RASGEF1C: variants seen among roughly 807,000 people sequenced by gnomAD.
The protein encoded by RASGEF1C is ras-GEF domain-containing family member 1C.
RASGEF1C carries 27 observed loss-of-function variants against 58.1 expected under a neutral mutation model. The observed-to-expected ratio is 0.46, with a 90% CI of 0.34 to 0.64. RASGEF1C has a LOEUF of 0.64. Among genes scored for constraint, RASGEF1C ranks in the 30% least tolerant of loss-of-function variants. RASGEF1C has a pLI of 0.01. For synonymous variants in RASGEF1C, 243 were observed against 246.3 expected (o/e 0.99, Z 0.13); for missense variants, 502 against 605.1 (o/e 0.83, Z 1.79).
At position 180,128,492 on chromosome 5, in the gene RASGEF1C, G is replaced by A. The variant is rs775710559; in HGVS notation, c.557C>T (p.Pro186Leu). The A allele has an allele frequency of 6.2e-7, 1 of 1,614,186 alleles. No individual in the cohort carries two copies. The highest frequency in any genetic ancestry group is 1.1e-5 in the South Asian group (1 of 91,084). Residue 186 changes from proline to leucine, a missense_variant, in exon 5 of 14, where the codon CCA becomes CTA. Physicochemically the swap from Pro to Leu is moderately conservative, Grantham distance 98 (BLOSUM62 -3). Transcript: ENST00000361132. Reference protein sequence around the residue: ...ADKPISYRTKPPASIHRELLG... With the variant: ...ADKPISYRTKLPASIHRELLG... ...GAGCTCCCTGTGGATGGAGGCTGGT[G>A]GCTTGGTCCTGTAGGAGATGGGCTT...
chr5:180,106,389 A>C (rs908955628), intron 12 of RASGEF1C, among the ~76,000 whole-genome samples: 1 of 152,016 alleles, frequency 6.6e-6, no homozygotes, highest in Non-Finnish European at 1.5e-5. Context: ...TATTGATTTG[A>C]CACTTCCCCT....
At chr5:180,173,295 T>G (rs1194905924) in intron 1 of RASGEF1C, among the ~76,000 whole-genome samples, 1 of 152,200 alleles carries the variant, frequency 6.6e-6, no homozygotes, top group African/African-American at 2.4e-5. Context: ...CCCCTCGACC[T>G]GGGGATGCCA....
At chr5:180,172,878 C>T (rs569951526) in intron 1 of RASGEF1C, among the ~76,000 whole-genome samples, 5 of 152,198 alleles carry the variant, frequency 3.3e-5, no homozygotes, top group Non-Finnish European at 5.9e-5. Context: ...CCTGTGCTCC[C>T]GCCTCCATGC....
intron 1 of RASGEF1C, among the ~76,000 whole-genome samples, chr5:180,149,088 CTTTTTT>C (rs61204210): frequency 9.1e-6 from 1 of 110,174 alleles, no homozygotes; most frequent in African/African-American, 3.4e-5. Flanking sequence ...CTTTTTTTTT[CTTTTTT>C]TTTTTTTTTT....
At position 180,137,567 on chromosome 5, in the gene RASGEF1C, C is replaced by A; in HGVS notation, c.300+23G>T. 1 of 1,602,554 alleles carries A rather than the reference C, an allele frequency of 6.2e-7. No individual in the cohort carries two copies. Among genetic ancestry groups the A allele is most frequent in the South Asian group, 1.1e-5 (1 of 89,604 alleles). ...GGCAGTGCTGGTACACTCTGAGACC[C>A]CCTGGCCTGCCCTCCGCCTCACCTT... is the stretch of plus-strand genomic sequence containing the variant. On this transcript the variant is annotated intron_variant, in intron 3 of 13. Coordinates refer to ENST00000361132, the MANE Select transcript of RASGEF1C (RefSeq NM_175062.4). This position sits in a 1 kb window ranked among gnomAD's most constrained non-coding sequence, Gnocchi z 4.1.
rs188262061 is a variant in RASGEF1C at position 180,108,185 on chromosome 5, C to T, written c.1303+3272G>A. ...CCCACAGGTCCCTGAAAATATGTTT[C>T]AGTCTATTTTCTTTCTTTCTTTTTT... On this transcript the variant is annotated intron_variant, in intron 12 of 13. Transcript: ENST00000361132. 4.1e-3 allele frequency among the ~76,000 whole-genome samples: 625 copies of T among 150,664 alleles called. 3 individuals carry two copies. The highest frequency in any genetic ancestry group is 7.1e-3 in the South Asian group (34 of 4,760).
intron 1 of RASGEF1C, among the ~76,000 whole-genome samples, chr5:180,192,556 A>T (rs1170198979): frequency 6.6e-6 from 1 of 152,178 alleles, no homozygotes; most frequent in Non-Finnish European, 1.5e-5. Flanking sequence ...ATATATATAG[A>T]TCAATTATTT....
Position 180,128,520 on chromosome 5 carries a change from C to G in RASGEF1C, c.529G>C (p.Asp177His). 10 of 1,614,056 alleles carry G rather than the reference C, an allele frequency of 6.2e-6. No homozygotes were observed. Among genetic ancestry groups the G allele is most frequent in the Non-Finnish European group, 8.5e-6 (10 of 1,179,998 alleles). The change falls in exon 5 of 14, where the codon GAC becomes CAC. Residue 177 changes from aspartate to histidine, a missense_variant. Physicochemically the swap from Asp to His is moderately conservative, Grantham distance 81. Coordinates refer to ENST00000361132, the MANE Select transcript of RASGEF1C (RefSeq NM_175062.4). Reference protein sequence around the residue: ...RQGPEGLVGADKPISYRTKPP... With the variant: ...RQGPEGLVGAHKPISYRTKPP... ...TTGGTCCTGTAGGAGATGGGCTTGT[C>G]GGCACCCACCAGACCTTCTGGCCCC...
intron 1 of RASGEF1C, among the ~76,000 whole-genome samples, chr5:180,207,222 C>G (rs1465979070): frequency 6.6e-6 from 1 of 152,168 alleles, no homozygotes; most frequent in Non-Finnish European, 1.5e-5. Context: ...CATTCTGAAA[C>G]TCTTTCGGGG....
At chr5:180,121,287 G>A (rs1356032124) in intron 6 of RASGEF1C, 138 bp from the exon 7 acceptor site, 2 of 636,662 alleles carry the variant, frequency 3.1e-6, no homozygotes, top group Non-Finnish European at 5.7e-6. Context: ...CAAAGATTTG[G>A]TATGTACGCT....
At chr5:180,167,635 C>T (rs957768399) in intron 1 of RASGEF1C, among the ~76,000 whole-genome samples, 2 of 152,142 alleles carry the variant, frequency 1.3e-5, no homozygotes, top group African/African-American at 4.8e-5. Context: ...AGAACATTTG[C>T]CCTTACTTGA....
chr5:180,131,806 A>T (rs1051854908), intron 4 of RASGEF1C, among the ~76,000 whole-genome samples: 2 of 152,212 alleles, frequency 1.3e-5, no homozygotes, highest in Admixed American at 6.5e-5. Context: ...CTTATTTTTT[A>T]AAAACACAGA....
intron 1 of RASGEF1C, among the ~76,000 whole-genome samples, chr5:180,195,689 G>T (rs369776335): frequency 3.1e-4 from 47 of 151,402 alleles, no homozygotes; most frequent in African/African-American, 1.1e-3. Context: ...GTGAACCCGG[G>T]AGGCGGAGCT....
intron 1 of RASGEF1C, among the ~76,000 whole-genome samples, chr5:180,195,361 G>A (rs1458546945): frequency 6.6e-6 from 1 of 152,184 alleles, no homozygotes; most frequent in African/African-American, 2.4e-5. Context: ...ACCAACAGGA[G>A]GTGTATGAGA....
chr5:180,121,637 T>TCACACACACACACACACACACA (rs762495633), intron 6 of RASGEF1C, among the ~76,000 whole-genome samples: 14 of 113,256 alleles, frequency 1.2e-4, no homozygotes, highest in South Asian at 6.5e-4. Context: ...AAATGTAACT[T>TCACACACACACACACACACACA]CACACACACA....
rs768278930 is a variant in RASGEF1C at position 180,209,110 on chromosome 5, C to CCCGCCGCCGCCGCCG, written c.-104_-90dup. 2 of 144,658 alleles carry CCCGCCGCCGCCGCCG rather than the reference C, an allele frequency of 1.4e-5. No homozygotes were observed. The highest frequency in any genetic ancestry group is 1.9e-4 in the South Asian group (1 of 5,382). 9.0% of individuals were successfully genotyped at this position (144,658 alleles called of 1,614,324 possible). On this transcript the variant is annotated 5_prime_UTR_variant, in exon 1 of 14. Transcript: ENST00000361132. ...CTCGGCGCCGCGGACCGGGGCGCCGCCCGCCGCCGCCGCCGCCGCCGCCGC... is the reference window on the plus strand; with the variant it reads ...CTCGGCGCCGCGGACCGGGGCGCCGCCCGCCGCCGCCGCCGCCGCCGCCGCCGCCGCCGCCGCCGC...
chr5:180,113,307 G>A (rs867116250), intron 11 of RASGEF1C, among the ~76,000 whole-genome samples: 3 of 55,030 alleles, frequency 5.5e-5, no homozygotes, highest in African/African-American at 7.4e-5. Context: ...GGAGGGACCG[G>A]GGATGGACGG....
intron 1 of RASGEF1C, among the ~76,000 whole-genome samples, chr5:180,194,428 T>G (rs917974923): frequency 2.2e-4 from 34 of 152,226 alleles, no homozygotes; most frequent in Non-Finnish European, 1.2e-4. Flanking sequence ...TCCAAAGTGC[T>G]AATACAATTT....
chr5:180,173,785 C>CCT (rs1554114620), intron 1 of RASGEF1C, among the ~76,000 whole-genome samples: 5 of 151,938 alleles, frequency 3.3e-5, no homozygotes, highest in Admixed American at 6.6e-5. Flanking sequence ...TGGTGGTGGG[C>CCT]GCCTGTAATC....
Sources: allele counts gnomAD v4.1 joint callset (sites outside exome capture counted in the v4.1 genomes callset), GRCh38; gene constraint gnomAD v4.1.1; non-coding constraint Gnocchi (gnomAD v3.1); transcripts MANE v1.5; gene names NCBI Gene and HGNC (gene_info 2026-07-23, HGNC 2026-07-21).